Variants in CLVS1 observed in about 807,000 individuals in gnomAD.
CLVS1 encodes the protein clavesin 1.
Under a neutral mutation model 33.1 loss-of-function variants are expected in CLVS1, and 10 were observed. The observed-to-expected ratio is 0.30, with a 90% CI of 0.19 to 0.51. CLVS1 has a LOEUF of 0.51. Among genes scored for constraint, CLVS1 ranks in the 20% least tolerant of loss-of-function variants. CLVS1 has a pLI of 0.97. For missense variants in CLVS1, 343 were observed against 433.4 expected, an observed-to-expected ratio of 0.79 and a Z score of 1.85; for synonymous variants, 163 against 166.1, an observed-to-expected ratio of 0.98 and a Z score of 0.14.
intron 5 of CLVS1, among the ~76,000 whole-genome samples, chr8:61,476,275 T>C (rs929569023): frequency 3.9e-5 from 6 of 152,222 alleles, no homozygotes; most frequent in Admixed American, 3.9e-4. Flanking sequence ...GACTTGGCAA[T>C]GTGGGCTCTT....
chr8:61,375,408 G>A (rs757513825), intron 2 of CLVS1, among the ~76,000 whole-genome samples: 12 of 151,852 alleles, frequency 7.9e-5, no homozygotes, highest in Admixed American at 6.6e-4. Flanking sequence ...CCGCCACCAC[G>A]CCCAGCTAAT....
chr8:61,206,582 TTTTC>T (rs1213755782), intron 2 of CLVS1, among the ~76,000 whole-genome samples: 1 of 146,408 alleles, frequency 6.8e-6, no homozygotes, highest in Non-Finnish European at 1.5e-5. Flanking sequence ...TCTTTTCTTT[TTTTC>T]TTTCTTTTTT....
At chr8:61,359,516 C>T (rs6998442) in intron 2 of CLVS1, among the ~76,000 whole-genome samples, 57,114 of 151,876 alleles carry the variant, frequency 0.38, 12,557 homozygotes, top group East Asian at 0.64. Flanking sequence ...CCATCATGCC[C>T]GGCTAATTTT....
intron 2 of CLVS1, among the ~76,000 whole-genome samples, chr8:61,316,127 C>T (rs146848034): frequency 4.2e-4 from 64 of 152,168 alleles, no homozygotes; most frequent in South Asian, 2.3e-3. Flanking sequence ...CCAGTCTATC[C>T]GTTTGACCCA....
At chr8:61,329,265 C>T (rs1195432080) in intron 2 of CLVS1, among the ~76,000 whole-genome samples, 1 of 151,780 alleles carries the variant, frequency 6.6e-6, no homozygotes. Context: ...TTTCACTGGC[C>T]TAACTGTATC....
intron 1 of CLVS1, among the ~76,000 whole-genome samples, chr8:61,296,421 C>T (rs1810214286): frequency 6.6e-6 from 1 of 152,188 alleles, no homozygotes; most frequent in African/African-American, 2.4e-5. Context: ...TTGTTGAGTT[C>T]CCTGAACTGT....
At chr8:61,118,124 T>G (rs963695482) in intron 1 of CLVS1, among the ~76,000 whole-genome samples, 2 of 151,906 alleles carry the variant, frequency 1.3e-5, no homozygotes, top group African/African-American at 4.8e-5. Context: ...TCGAGGAATT[T>G]ATCCATTTCT....
At chr8:61,412,013 C>T (rs1815248410) in intron 3 of CLVS1, among the ~76,000 whole-genome samples, 1 of 152,198 alleles carries the variant, frequency 6.6e-6, no homozygotes, top group African/African-American at 2.4e-5. Flanking sequence ...GAAGCCTTCA[C>T]TGAGACAGGG....
the CLVS1 span, among the ~76,000 whole-genome samples, chr8:61,051,422 G>A: frequency 6.6e-6 from 1 of 152,258 alleles, no homozygotes; most frequent in Non-Finnish European, 1.5e-5. Flanking sequence ...TCCCCTCTAA[G>A]CTGGGAGCCT....
intron 2 of CLVS1, among the ~76,000 whole-genome samples, chr8:61,259,069 G>A (rs1299278282): frequency 6.6e-6 from 1 of 152,212 alleles, no homozygotes; most frequent in East Asian, 1.9e-4. Flanking sequence ...CCACAGTATT[G>A]TAGCAGGAAC....
chr8:61,425,536 A>G (rs1815854381), intron 3 of CLVS1, among the ~76,000 whole-genome samples: 1 of 152,226 alleles, frequency 6.6e-6, no homozygotes, highest in Non-Finnish European at 1.5e-5. Context: ...TATTGCAACC[A>G]TTACCACTAT....
chr8:61,268,789 GT>G (rs1229606153), intron 2 of CLVS1, among the ~76,000 whole-genome samples: 1 of 96,322 alleles, frequency 1.0e-5, no homozygotes, highest in East Asian at 4.1e-4. Flanking sequence ...ATTTTTTCAT[GT>G]GTTTTTTGGC....
chr8:61,381,132 CTTTA>C (rs1813861136), intron 3 of CLVS1, among the ~76,000 whole-genome samples: 1 of 150,992 alleles, frequency 6.6e-6, no homozygotes, highest in South Asian at 2.1e-4. Context: ...TTCCTTAACT[CTTTA>C]TTCAAGGTTT....
intron 2 of CLVS1, among the ~76,000 whole-genome samples, chr8:61,360,455 A>G (rs1017765217): frequency 6.6e-6 from 1 of 152,208 alleles, no homozygotes; most frequent in African/African-American, 2.4e-5. Context: ...CAATCAATCA[A>G]TCAATCAAAA....
chr8:61,354,671 A>G (rs1327270550), intron 2 of CLVS1, among the ~76,000 whole-genome samples: 1 of 152,196 alleles, frequency 6.6e-6, no homozygotes, highest in African/African-American at 2.4e-5. Context: ...CTATTTATAT[A>G]TGTAACAACT....
chr8:61,176,351 A>G (rs895175325), intron 2 of CLVS1, among the ~76,000 whole-genome samples: 1 of 152,196 alleles, frequency 6.6e-6, no homozygotes, highest in Admixed American at 6.5e-5. Flanking sequence ...CCTGGCTCAC[A>G]CACTAACCCC....
the CLVS1 span, among the ~76,000 whole-genome samples, chr8:61,036,043 A>G: frequency 3.4e-5 from 5 of 148,372 alleles, no homozygotes; most frequent in African/African-American, 1.3e-4. Context: ...TCCTGCCACC[A>G]CGGCCTCCAC....
chr8:61,030,312 G>A, the CLVS1 span, among the ~76,000 whole-genome samples: 1 of 151,176 alleles, frequency 6.6e-6, no homozygotes, highest in East Asian at 1.9e-4. Context: ...AGCGGGGTGG[G>A]GGGGCGCAAA....
At chr8:60,994,467 C>G in the CLVS1 span, among the ~76,000 whole-genome samples, 1 of 152,158 alleles carries the variant, frequency 6.6e-6, no homozygotes, top group Non-Finnish European at 1.5e-5. Flanking sequence ...TGATGCATGT[C>G]CCCGCACTGT....
Sources: gnomAD v4.1 joint callset for allele counts (sites outside exome capture counted in the v4.1 genomes callset) on GRCh38, gnomAD v4.1.1 for gene constraint, MANE v1.5 for transcripts, NCBI Gene and HGNC (gene_info 2026-07-23, HGNC 2026-07-21) for gene names.